The following MARF1 variants were observed in gnomAD, a reference collection of about 807,000 sequenced individuals.
MARF1 encodes the protein meiosis regulator and mRNA stability factor 1.
Under a neutral mutation model 168.2 loss-of-function variants are expected in MARF1, and 24 were observed. The observed-to-expected ratio is 0.14, with a 90% CI of 0.10 to 0.20. MARF1 has a LOEUF of 0.20. MARF1 is among the 10% of genes least tolerant of loss of function. The pLI, the probability that MARF1 is intolerant of heterozygous loss-of-function variation, is 1.00. For missense variants in MARF1, 1,744 were observed against 2,143.6 expected, an observed-to-expected ratio of 0.81 and a Z score of 3.68; for synonymous variants, 868 against 822.4, an observed-to-expected ratio of 1.06 and a Z score of -0.95.
intron 7 of MARF1, 116 bp downstream of exon 7, chr16:15,630,216 C>T: frequency 2.4e-6 from 2 of 831,906 alleles, no homozygotes; most frequent in Non-Finnish European, 3.6e-6. Flanking sequence ...AAAATCTAAC[C>T]CACCTCTTAC....
At chr16:15,635,014 C>A in intron 3 of MARF1, 83 bp from the exon 4 acceptor site, 1 of 1,222,688 alleles carries the variant, frequency 8.2e-7, no homozygotes, top group Non-Finnish European at 1.2e-6. Flanking sequence ...ACTGAAAATA[C>A]ACTCTAAGTG....
At chr16:15,606,797 C>T (rs1426192921) in intron 21 of MARF1, among the ~76,000 whole-genome samples, 1 of 152,182 alleles carries the variant, frequency 6.6e-6, no homozygotes, top group Non-Finnish European at 1.5e-5. Flanking sequence ...GGCTTTCAGA[C>T]ATGCTCAAGT....
chr16:15,621,570 G>A, intron 12 of MARF1, 163 bp downstream of exon 12: 1 of 717,378 alleles, frequency 1.4e-6, no homozygotes. Context: ...TTAGACAAGA[G>A]TCAAATGGCT....
intron 6 of MARF1, 29 bp from the exon 7 acceptor site, chr16:15,630,533 T>C: frequency 6.3e-7 from 1 of 1,575,808 alleles, no homozygotes; most frequent in Non-Finnish European, 8.6e-7. Flanking sequence ...ACCAACCCCA[T>C]CCCCAAACAT....
intron 25 of MARF1, among the ~76,000 whole-genome samples, chr16:15,599,673 C>T (rs1373887966): frequency 6.6e-6 from 1 of 152,024 alleles, no homozygotes; most frequent in Non-Finnish European, 1.5e-5. Flanking sequence ...AAAGTTAGAA[C>T]TGCTATAACA....
At position 15,639,305 on chromosome 16, in the gene MARF1, G is replaced by T; in HGVS notation, c.-58-14C>A. 1 of 1,493,506 alleles carries T rather than the reference G, an allele frequency of 6.7e-7. No individual in the cohort carries two copies. 92.5% of individuals were successfully genotyped at this position (1,493,506 alleles called of 1,614,324 possible). A position where few individuals can be genotyped will look rare whatever the true frequency, so the allele number is the denominator to read the frequency against. On this transcript the variant is annotated splice_polypyrimidine_tract_variant and intron_variant, in intron 1 of 26. Transcript: ENST00000396368. ...CATTCTTCCACCCTGTTAAGAATGA[G>T]TAAGATTTCAGTGTTATTTCCTTGC...
At chr16:15,601,911 G>T (rs1036117451) in intron 23 of MARF1, 80 bp downstream of exon 23, 1 of 1,141,880 alleles carries the variant, frequency 8.8e-7, no homozygotes, top group African/African-American at 1.5e-5. Flanking sequence ...TATTCTGGCA[G>T]CATTTTATTT....
At chr16:15,631,797 C>T (rs2035275301) in intron 5 of MARF1, among the ~76,000 whole-genome samples, 1 of 152,116 alleles carries the variant, frequency 6.6e-6, no homozygotes, top group South Asian at 2.1e-4. Flanking sequence ...CTCCCTGTGT[C>T]CATGTGTTCT....
chr16:15,624,744 C>T, intron 10 of MARF1, 25 bp downstream of exon 10: 2 of 1,606,858 alleles, frequency 1.2e-6, no homozygotes, highest in Non-Finnish European at 1.7e-6. Context: ...GTAACCACCC[C>T]CATGGGTCAA....
intron 4 of MARF1, among the ~76,000 whole-genome samples, chr16:15,634,139 G>A (rs2035430819): frequency 1.3e-5 from 2 of 152,096 alleles, no homozygotes; most frequent in Non-Finnish European, 2.9e-5. Context: ...AAGCAGTGAT[G>A]CTTCTCTGAA....
intron 12 of MARF1, among the ~76,000 whole-genome samples, chr16:15,621,053 A>G (rs2034420895): frequency 6.6e-6 from 1 of 152,160 alleles, no homozygotes; most frequent in African/African-American, 2.4e-5. Flanking sequence ...TTATGTTTCT[A>G]AACTTTCCAA....
At chr16:15,629,490 C>T (rs1273179888) in intron 7 of MARF1, among the ~76,000 whole-genome samples, 1 of 152,152 alleles carries the variant, frequency 6.6e-6, no homozygotes, top group African/African-American at 2.4e-5. Flanking sequence ...TTTCTAAGAG[C>T]TGATTTCTTT....
chr16:15,631,674 C>T (rs1214253300), intron 5 of MARF1, among the ~76,000 whole-genome samples, 176 bp from the exon 6 acceptor site: 1 of 152,098 alleles, frequency 6.6e-6, no homozygotes, highest in Non-Finnish European at 1.5e-5. Context: ...TTTGCTGCAC[C>T]TATCAACCCA....
chr16:15,602,399 A>C, intron 22 of MARF1, 196 bp from the exon 23 acceptor site: 1 of 616,594 alleles, frequency 1.6e-6, no homozygotes, highest in South Asian at 2.0e-5. Context: ...ACAAAGATAA[A>C]GAAGACAACA....
In MARF1 at chr16:15,608,306, G is replaced by A; in HGVS notation, c.4167C>T (p.Leu1389=). Residue 1389 remains leucine, a synonymous_variant, in exon 21 of 27, where the codon CTC becomes CTT. Coordinates refer to ENST00000396368, the MANE Select transcript of MARF1 (RefSeq NM_014647.4). ...AAACATTTACCTTCACGACATGGCA[G>A]AGTTTCTGAGTTAAAGCCGAAATGG... ...VSSISALTQK[L]CHVVKVADIE... The A allele has an allele frequency of 6.6e-7, 1 of 1,523,846 alleles. No individual in the cohort carries two copies. Among genetic ancestry groups the A allele is most frequent in the South Asian group, 1.1e-5 (1 of 88,422 alleles). The allele number at this position is 1,523,846 out of a possible 1,614,324, so 94.4% of individuals were successfully genotyped here. A position where few individuals can be genotyped will look rare whatever the true frequency, so the allele number is the denominator to read the frequency against.
At chr16:15,602,369 T>C (rs2032532564) in intron 22 of MARF1, 166 bp from the exon 23 acceptor site, 2 of 628,544 alleles carry the variant, frequency 3.2e-6, no homozygotes, top group Non-Finnish European at 2.8e-6. Flanking sequence ...GAGACAAAGA[T>C]GACGAAGAAG....
In MARF1 at chr16:15,621,792, G is replaced by A; in HGVS notation, c.2580C>T (p.Ser860=). 1 of 1,614,086 alleles carries A rather than the reference G, an allele frequency of 6.2e-7. No homozygotes were observed. Among genetic ancestry groups the A allele is most frequent in the Non-Finnish European group, 8.5e-7 (1 of 1,180,004 alleles). Residue 860 remains serine, a synonymous_variant, in exon 12 of 27, where the codon AGC becomes AGT. Coordinates refer to ENST00000396368, the MANE Select transcript of MARF1 (RefSeq NM_014647.4). ...TGGCAAGTGAGACCAGGATCTTTTT[G>A]CTGCCAATTTTGTATCTGTGGAGGC... is the stretch of plus-strand genomic sequence containing the variant. ...VNSLHRYKIG[S]KKILVSLATG...
Position 15,600,308 on chromosome 16 carries a change from G to T in MARF1, c.4813+120C>A, listed in dbSNP as rs1437400414. On this transcript the variant is annotated intron_variant, in intron 25 of 26. Transcript: ENST00000396368. ...CCAAAACTGCTTTGAAAAATGTGTG[G>T]CTATGTAACTTCAGCAGATTGGATG... is the stretch of plus-strand genomic sequence containing the variant. The T allele has an allele frequency of 1.2e-5, 16 of 1,299,586 alleles. No individual in the cohort carries two copies. In the African/African-American group the frequency reaches 1.9e-4, roughly 16 times the overall value. 80.5% of individuals were successfully genotyped at this position (1,299,586 alleles called of 1,614,324 possible). A position where few individuals can be genotyped will look rare whatever the true frequency, so the allele number is the denominator to read the frequency against.
chr16:15,635,475 G>T, intron 3 of MARF1, 181 bp downstream of exon 3: 1 of 576,352 alleles, frequency 1.7e-6, no homozygotes, highest in Non-Finnish European at 3.0e-6. Context: ...TTTTTTGAAT[G>T]ATCTCCCATC....
Sources: gnomAD v4.1 joint callset for allele counts (sites outside exome capture counted in the v4.1 genomes callset) on GRCh38, gnomAD v4.1.1 for gene constraint, MANE v1.5 for transcripts, NCBI Gene and HGNC (gene_info 2026-07-23, HGNC 2026-07-21) for gene names.